The following TECRL variants were observed in gnomAD, a reference collection of about 807,000 sequenced individuals.
TECRL encodes the protein trans-2,3-enoyl-CoA reductase-like.
A neutral mutation model predicts 52.8 loss-of-function variants in TECRL; 63 were observed. That is an observed-to-expected ratio of 1.19 (90% confidence interval 0.97 to 1.47). The LOEUF is 1.47. TECRL is among the 40% of genes most tolerant of loss of function. TECRL has a pLI of 0.00. For synonymous variants in TECRL, 164 were observed against 141.9 expected (o/e 1.16, Z -1.10); for missense variants, 482 against 429.6 (o/e 1.12, Z -1.08).
intron 2 of TECRL, among the ~76,000 whole-genome samples, chr4:64,347,942 G>A (rs1720107134): frequency 6.6e-6 from 1 of 152,116 alleles, no homozygotes; most frequent in South Asian, 2.1e-4. Flanking sequence ...CAAGTCTCTA[G>A]GAAGTTTCAA....
At position 64,304,960 on chromosome 4, in the gene TECRL, G is replaced by T. The variant is rs949681056; in HGVS notation, c.730+206C>A. 5 of 355,876 alleles carry T rather than the reference G, an allele frequency of 1.4e-5. No individual in the cohort carries two copies. The East Asian group carries it at 2.1e-4, about 15-fold the overall frequency. The allele number at this position is 355,876 out of a possible 1,614,324, so 22.0% of individuals were successfully genotyped here. On this transcript the variant is annotated intron_variant, in intron 7 of 11. Coordinates refer to ENST00000381210, the MANE Select transcript of TECRL (RefSeq NM_001010874.5). ...GGTTTACAACCTACTAATATTTTTG[G>T]TGGTTCGTGTAGAAACAAAATAAAT...
At chr4:64,406,537 T>TAAC (rs995463042) in intron 1 of TECRL, among the ~76,000 whole-genome samples, 4 of 151,908 alleles carry the variant, frequency 2.6e-5, no homozygotes, top group Non-Finnish European at 5.9e-5. Context: ...AAAAATAAAA[T>TAAC]AATAATAATA....
chr4:64,367,253 AG>A (rs34223142), intron 2 of TECRL, among the ~76,000 whole-genome samples: 136,572 of 151,944 alleles, frequency 0.9, 62,037 homozygotes, highest in East Asian at 1. Flanking sequence ...GGTTTGAAGG[AG>A]GGTGAGGGTC....
intron 2 of TECRL, among the ~76,000 whole-genome samples, chr4:64,328,844 G>A (rs1718436503): frequency 6.6e-6 from 1 of 151,920 alleles, no homozygotes; most frequent in African/African-American, 2.4e-5. Context: ...CAGGTAGTAT[G>A]AGCTATGACT....
intron 2 of TECRL, among the ~76,000 whole-genome samples, chr4:64,355,425 AT>A (rs1464994300): frequency 2.0e-5 from 3 of 148,648 alleles, no homozygotes; most frequent in East Asian, 2.0e-4. Flanking sequence ...TAAAAAAAAA[AT>A]TACATTAGAA....
At chr4:64,351,573 A>G (rs1041805001) in intron 2 of TECRL, among the ~76,000 whole-genome samples, 6 of 152,162 alleles carry the variant, frequency 3.9e-5, no homozygotes, top group Non-Finnish European at 8.8e-5. Context: ...GTGCCCAGCC[A>G]AAGGGACAAC....
downstream of TECRL, among the ~76,000 whole-genome samples, chr4:64,277,489 C>A (rs2109914347): frequency 6.6e-6 from 1 of 151,770 alleles, no homozygotes; most frequent in East Asian, 1.9e-4. Context: ...TTATTGTTTT[C>A]TCCTTAGAAA....
intron 2 of TECRL, among the ~76,000 whole-genome samples, chr4:64,367,475 G>A (rs1721678584): frequency 1.3e-5 from 2 of 152,082 alleles, no homozygotes; most frequent in Admixed American, 1.3e-4. Flanking sequence ...ATTTGTGCAT[G>A]TATGTGGGCA....
chr4:64,358,232 T>C (rs1284353358), intron 2 of TECRL, among the ~76,000 whole-genome samples: 1 of 151,852 alleles, frequency 6.6e-6, no homozygotes, highest in Non-Finnish European at 1.5e-5. Flanking sequence ...CTTACAAATA[T>C]GACTGAAGAA....
At chr4:64,286,146 A>G (rs184759239) in intron 9 of TECRL, among the ~76,000 whole-genome samples, 13 of 152,174 alleles carry the variant, frequency 8.5e-5, no homozygotes, top group Admixed American at 5.2e-4. Context: ...CAAGGAAAAC[A>G]AAACAAAATT....
chr4:64,372,136 T>A (rs961093979), intron 2 of TECRL, among the ~76,000 whole-genome samples: 11 of 151,768 alleles, frequency 7.2e-5, no homozygotes, highest in Non-Finnish European at 1.6e-4. Flanking sequence ...GAGCATGATA[T>A]AAAGGTACAT....
chr4:64,317,561 G>A (rs1030321521), intron 4 of TECRL, among the ~76,000 whole-genome samples: 2 of 152,154 alleles, frequency 1.3e-5, no homozygotes, highest in African/African-American at 2.4e-5. Context: ...TAAGGGTGTT[G>A]CATAAAGTTT....
At chr4:64,317,243 C>A (rs1408927577) in intron 4 of TECRL, among the ~76,000 whole-genome samples, 4 of 151,718 alleles carry the variant, frequency 2.6e-5, no homozygotes, top group African/African-American at 7.3e-5. Flanking sequence ...ATGGCCACTG[C>A]ACTCCAGCCT....
intron 3 of TECRL, among the ~76,000 whole-genome samples, chr4:64,323,870 A>T (rs1718071111): frequency 6.6e-6 from 1 of 152,224 alleles, no homozygotes. Context: ...GGGTAAAATT[A>T]AGAGTCCTTA....
chr4:64,342,433 A>ATCTG (rs1553914828), intron 2 of TECRL, among the ~76,000 whole-genome samples: 1 of 149,986 alleles, frequency 6.7e-6, no homozygotes, highest in African/African-American at 2.5e-5. Flanking sequence ...ATATATATAT[A>ATCTG]TGTGTGTGTG....
chr4:64,281,517 G>GT lies in TECRL; in HGVS notation c.874dup (p.Thr292AsnfsTer11). ...ACATGAAACCAGGAAAAACATCCAT[G>GT]TGAAGGGGTTATAATTTGGACTTGG... On this transcript the variant is annotated frameshift_variant, in exon 10 of 12. Coordinates refer to ENST00000381210, the MANE Select transcript of TECRL (RefSeq NM_001010874.5). LOFTEE classifies it high-confidence loss of function. 1 of 1,604,818 alleles carries GT rather than the reference G, an allele frequency of 6.2e-7. No homozygotes were observed. The highest frequency in any genetic ancestry group is 8.5e-7 in the Non-Finnish European group (1 of 1,175,392).
At chr4:64,312,390 T>C (rs955328727) in intron 5 of TECRL, among the ~76,000 whole-genome samples, 2 of 152,204 alleles carry the variant, frequency 1.3e-5, no homozygotes, top group Non-Finnish European at 2.9e-5. Flanking sequence ...ATATAAACTT[T>C]ACATATTTGT....
intron 1 of TECRL, among the ~76,000 whole-genome samples, chr4:64,407,311 C>T (rs1724799166): frequency 1.3e-5 from 2 of 151,990 alleles, no homozygotes; most frequent in Non-Finnish European, 2.9e-5. Flanking sequence ...TGCAAAATTG[C>T]AAAATTCTTA....
In TECRL at chr4:64,281,053, G is replaced by A; in HGVS notation, c.952C>T (p.Gln318Ter). 5 of 1,601,734 alleles carry A rather than the reference G, an allele frequency of 3.1e-6. No individual in the cohort carries two copies. Among genetic ancestry groups the A allele is most frequent in the Non-Finnish European group, 4.3e-6 (5 of 1,172,016 alleles). The change falls in exon 11 of 12, where the codon CAA becomes TAA. Residue 318 changes from glutamine (Q) to a stop codon, truncating the protein, a stop_gained. Transcript: ENST00000381210. LOFTEE classifies it high-confidence loss of function. ...ATCTAGGTCTTACCTGGCAGTGTTT[G>A]TGTCATGACTGTGAAACTAATCCAT... is the stretch of plus-strand genomic sequence containing the variant. ...GSWISFTVMTQTLPVGIFTLL... is the reference protein window; with the variant it reads ...GSWISFTVMT
Sources: gnomAD v4.1 joint callset for allele counts (sites outside exome capture counted in the v4.1 genomes callset) on GRCh38, gnomAD v4.1.1 for gene constraint, MANE v1.5 for transcripts, NCBI Gene and HGNC (gene_info 2026-07-23, HGNC 2026-07-21) for gene names.